Variants in DNAH11 observed in about 807,000 individuals in gnomAD.
The protein encoded by DNAH11 is dynein axonemal heavy chain 11, also known as axonemal beta dynein heavy chain 11.
In DNAH11, 442 loss-of-function variants were observed where a neutral mutation model predicts 526.0. The ratio of observed to expected loss-of-function variants is 0.84; its 90% CI spans 0.78 to 0.91. The LOEUF (loss-of-function observed/expected upper bound fraction) is 0.91. DNAH11 is among the 40% of genes least tolerant of loss of function. The pLI is 0.00. For missense variants in DNAH11, 6,989 were observed against 5,448.7 expected, an observed-to-expected ratio of 1.28 and a Z score of -8.90; for synonymous variants, 2,461 against 1,935.9, an observed-to-expected ratio of 1.27 and a Z score of -7.12.
At chr7:21,884,046 A>G (rs1212649433) in intron 75 of DNAH11, among the ~76,000 whole-genome samples, 2 of 141,386 alleles carry the variant, frequency 1.4e-5, no homozygotes, top group Non-Finnish European at 3.2e-5. Flanking sequence ...TCATCTCTTA[A>G]AGAAAAAAAA....
chr7:21,619,118 G>T lies in DNAH11; in HGVS notation c.4273G>T (p.Glu1425Ter). The T allele has an allele frequency of 6.2e-7, 1 of 1,613,464 alleles. No homozygotes were observed. The highest frequency in any genetic ancestry group is 8.5e-7 in the Non-Finnish European group (1 of 1,179,632). The change falls in exon 24 of 82, where the codon GAA (glutamate) becomes TAA (stop). Residue 1425 changes from glutamate (E) to a stop codon, truncating the protein, a stop_gained. Transcript: ENST00000409508. LOFTEE classifies it high-confidence loss of function. ...CAATCAGGTCAAGTTTTTAATAAAT[G>T]AAGCCACAACTTTGGCAGATTTGTT... ...KAIGVKFLIN[E>*]ATTLADLLAL...
intron 54 of DNAH11, among the ~76,000 whole-genome samples, chr7:21,757,028 TAAAAG>T (rs1319078957): frequency 2.0e-5 from 3 of 152,198 alleles, no homozygotes; most frequent in Admixed American, 6.5e-5. Flanking sequence ...ATTGTGGACA[TAAAAG>T]AAAGCCATTG....
intron 30 of DNAH11, among the ~76,000 whole-genome samples, chr7:21,670,673 C>G (rs138192251): frequency 1.3e-4 from 20 of 152,174 alleles, no homozygotes; most frequent in African/African-American, 4.6e-4. Context: ...CTTGGAGATG[C>G]CCCTTATCAG....
chr7:21,842,394 A>G (rs1782239556), intron 65 of DNAH11, 150 bp from the exon 66 acceptor site: 1 of 582,896 alleles, frequency 1.7e-6, no homozygotes, highest in Non-Finnish European at 2.9e-6. Context: ...ATCCTGCTGT[A>G]CTTTAGGAAA....
chr7:21,659,117 C>T (rs890417530), intron 30 of DNAH11, 86 bp downstream of exon 30: 25 of 1,140,580 alleles, frequency 2.2e-5, no homozygotes, highest in African/African-American at 1.4e-4. Flanking sequence ...ATTCATTTAC[C>T]GAGTGTCATC....
intron 61 of DNAH11, among the ~76,000 whole-genome samples, chr7:21,792,640 G>C (rs998868858): frequency 2.0e-5 from 3 of 151,898 alleles, no homozygotes; most frequent in Admixed American, 6.6e-5. Flanking sequence ...ATATGTGCAG[G>C]AATTTTTTCA....
At chr7:21,645,170 C>G (rs755847956) in intron 28 of DNAH11, among the ~76,000 whole-genome samples, 1 of 152,100 alleles carries the variant, frequency 6.6e-6, no homozygotes, top group Non-Finnish European at 1.5e-5. Flanking sequence ...GTCCTGCCAG[C>G]GAGGAGTTTC....
intron 54 of DNAH11, among the ~76,000 whole-genome samples, chr7:21,754,376 C>T (rs1444614081): frequency 6.6e-6 from 1 of 152,114 alleles, no homozygotes; most frequent in Non-Finnish European, 1.5e-5. Context: ...AGAAGTTTTA[C>T]ATTTTTATAT....
intron 64 of DNAH11, among the ~76,000 whole-genome samples, chr7:21,817,734 G>A (rs1789864946): frequency 6.6e-6 from 1 of 151,832 alleles, no homozygotes; most frequent in Non-Finnish European, 1.5e-5. Flanking sequence ...TGAATACTTG[G>A]AGAAAATTAT....
chr7:21,817,379 A>T (rs1388324372), intron 64 of DNAH11, among the ~76,000 whole-genome samples: 1 of 152,080 alleles, frequency 6.6e-6, no homozygotes, highest in Non-Finnish European at 1.5e-5. Flanking sequence ...CTGTAGTTAT[A>T]CAAGTAAATG....
At chr7:21,760,786 A>C (rs1041465696) in intron 54 of DNAH11, among the ~76,000 whole-genome samples, 3 of 152,162 alleles carry the variant, frequency 2.0e-5, no homozygotes, top group Non-Finnish European at 4.4e-5. Flanking sequence ...AGTCCATGAA[A>C]TGCTGGTTAG....
At chr7:21,598,558 A>C (rs993056720) in intron 14 of DNAH11, among the ~76,000 whole-genome samples, 19 of 151,814 alleles carry the variant, frequency 1.3e-4, no homozygotes, top group African/African-American at 4.4e-4. Flanking sequence ...GGTCTATTCC[A>C]CAGGTTGCTT....
chr7:21,772,162 T>A (rs553259044), intron 55 of DNAH11, among the ~76,000 whole-genome samples: 97 of 152,298 alleles, frequency 6.4e-4, no homozygotes, highest in African/African-American at 2.2e-3. Flanking sequence ...TTAAGCCTGA[T>A]AACAATAGTT....
intron 19 of DNAH11, 50 bp downstream of exon 19, chr7:21,606,592 T>A (rs748389697): frequency 1.9e-6 from 3 of 1,556,584 alleles, no homozygotes; most frequent in East Asian, 2.3e-5. Flanking sequence ...ACTAGGATAA[T>A]TGAAGTATTT....
chr7:21,783,811 C>G (rs550222314), intron 57 of DNAH11, among the ~76,000 whole-genome samples: 1 of 152,090 alleles, frequency 6.6e-6, no homozygotes, highest in Non-Finnish European at 1.5e-5. Flanking sequence ...GTTCCAATAC[C>G]GAAGGCAGAT....
intron 55 of DNAH11, 63 bp downstream of exon 55, chr7:21,765,652 A>ACACG (rs1787149886): frequency 1.7e-6 from 2 of 1,151,952 alleles, no homozygotes; most frequent in Admixed American, 2.7e-5. Context: ...ACACACACAC[A>ACACG]CACACACTCT....
intron 62 of DNAH11, among the ~76,000 whole-genome samples, chr7:21,803,992 C>T (rs550684038): frequency 6.6e-6 from 1 of 152,314 alleles, no homozygotes; most frequent in African/African-American, 2.4e-5. Flanking sequence ...ACACGACCAT[C>T]CTATTCAGAT....
chr7:21,690,625 A>G (rs1309391960), intron 34 of DNAH11, 140 bp from the exon 35 acceptor site: 2 of 606,548 alleles, frequency 3.3e-6, no homozygotes, highest in African/African-American at 1.9e-5. Context: ...CAAAATATGT[A>G]TGGGCTTATG....
chr7:21,639,129 A>G (rs960958245), intron 28 of DNAH11, 64 bp downstream of exon 28: 10 of 1,497,242 alleles, frequency 6.7e-6, no homozygotes, highest in Middle Eastern at 1.8e-4. Context: ...TAGCGTCTCT[A>G]TCATTGTCAA....
Sources: gnomAD v4.1 joint callset for allele counts (sites outside exome capture counted in the v4.1 genomes callset) on GRCh38, gnomAD v4.1.1 for gene constraint, MANE v1.5 for transcripts, NCBI Gene and HGNC (gene_info 2026-07-23, HGNC 2026-07-21) for gene names.